The following SKAP2 variants were observed in gnomAD, a reference collection of about 807,000 sequenced individuals.
The protein encoded by SKAP2 is src kinase associated phosphoprotein 2.
A neutral mutation model predicts 54.9 loss-of-function variants in SKAP2; 28 were observed. The observed-to-expected ratio is 0.51, with a 90% confidence interval of 0.38 to 0.70. The LOEUF (loss-of-function observed/expected upper bound fraction) is 0.70, where lower values mean the gene tolerates loss of function less well. Ranked by LOEUF, SKAP2 falls within the 30% of genes least tolerant of loss-of-function variation. The pLI is 0.00. For missense variants in SKAP2, 356 were observed against 424.1 expected (o/e 0.84, Z 1.41); for synonymous variants, 137 against 134.3 (o/e 1.02, Z -0.14).
At chr7:26,684,136 A>C (rs1410371592) in intron 11 of SKAP2, among the ~76,000 whole-genome samples, 1 of 152,136 alleles carries the variant, frequency 6.6e-6, no homozygotes, top group East Asian at 1.9e-4. Flanking sequence ...AGACACAAGA[A>C]TTTATGTATA....
At chr7:26,829,471 A>G (rs972883059) in intron 4 of SKAP2, among the ~76,000 whole-genome samples, 2 of 152,152 alleles carry the variant, frequency 1.3e-5, no homozygotes, top group African/African-American at 4.8e-5. Flanking sequence ...TGAGCCCAGG[A>G]GGTAGAGGCT....
chr7:26,764,941 A>G (rs1783014304), intron 4 of SKAP2, among the ~76,000 whole-genome samples: 6 of 152,228 alleles, frequency 3.9e-5, no homozygotes, highest in Admixed American at 1.3e-4. Context: ...CAATAAACAT[A>G]CATGTGCATG....
chr7:26,764,240 C>G (rs1331881833), intron 4 of SKAP2, among the ~76,000 whole-genome samples: 2 of 151,980 alleles, frequency 1.3e-5, no homozygotes, highest in Non-Finnish European at 2.9e-5. Context: ...TTGTAACCAT[C>G]CAGCAACTAG....
chr7:26,708,591 T>C (rs1787223269), intron 9 of SKAP2, among the ~76,000 whole-genome samples: 4 of 152,208 alleles, frequency 2.6e-5, no homozygotes, highest in Non-Finnish European at 5.9e-5. Flanking sequence ...CTTAATCCTT[T>C]TACTTTCATC....
chr7:26,720,504 T>G (rs550473907), intron 9 of SKAP2, among the ~76,000 whole-genome samples: 1 of 152,220 alleles, frequency 6.6e-6, no homozygotes, highest in Non-Finnish European at 1.5e-5. Flanking sequence ...TTTTTTTTTA[T>G]AACTTCGGAT....
chr7:26,703,006 G>C (rs1207931717), intron 9 of SKAP2, among the ~76,000 whole-genome samples: 1 of 152,236 alleles, frequency 6.6e-6, no homozygotes, highest in East Asian at 1.9e-4. Context: ...CCCATGCACA[G>C]AGTTTCTGAT....
intron 1 of SKAP2, chr7:26,857,561 A>C (rs1388065608): frequency 1.0e-5 from 10 of 985,446 alleles, no homozygotes; most frequent in Non-Finnish European, 1.2e-5. Context: ...CTGATCTCGC[A>C]ACGCAAAGAC....
At chr7:26,656,458 G>A in the SKAP2 span, among the ~76,000 whole-genome samples, 1 of 152,190 alleles carries the variant, frequency 6.6e-6, no homozygotes, top group African/African-American at 2.4e-5. Context: ...TTCCAAACAA[G>A]TTGATAATAA....
intron 4 of SKAP2, among the ~76,000 whole-genome samples, chr7:26,841,012 C>T (rs1178214492): frequency 6.6e-6 from 1 of 152,050 alleles, no homozygotes; most frequent in East Asian, 1.9e-4. Context: ...CTGTCACCAT[C>T]TATGTTACAA....
intron 4 of SKAP2, among the ~76,000 whole-genome samples, chr7:26,799,159 A>G (rs1783853189): frequency 6.6e-6 from 1 of 151,868 alleles, no homozygotes; most frequent in Non-Finnish European, 1.5e-5. Context: ...ACAACACCAG[A>G]CCACAAAACA....
At chr7:26,760,707 G>A (rs1172015088) in intron 4 of SKAP2, among the ~76,000 whole-genome samples, 1 of 152,156 alleles carries the variant, frequency 6.6e-6, no homozygotes, top group East Asian at 1.9e-4. Flanking sequence ...TGAAACCACA[G>A]AAGCAAAACC....
intron 4 of SKAP2, among the ~76,000 whole-genome samples, chr7:26,772,581 G>A (rs928205072): frequency 1.3e-5 from 2 of 152,180 alleles, no homozygotes; most frequent in African/African-American, 2.4e-5. Flanking sequence ...TGGCTGCATA[G>A]TATTCTGATA....
Position 26,737,613 on chromosome 7 carries a change from T to C in SKAP2, c.469+1182A>G, listed in dbSNP as rs112994339. On this transcript the variant is annotated intron_variant, in intron 6 of 12. Coordinates refer to ENST00000345317, the MANE Select transcript of SKAP2 (RefSeq NM_003930.5). ...CCAAACAACACTGATAACAATTCCA[T>C]AGGAAAGCTTACATTCAGTGATACT... Among the ~76,000 whole-genome samples the C allele has an allele frequency of 1.9e-3, 286 of 152,310 alleles. 2 individuals are homozygous for C. The highest frequency in any genetic ancestry group is 6.5e-3 in the African/African-American group (269 of 41,576).
chr7:26,722,618 A>G (rs1449061806), intron 9 of SKAP2, among the ~76,000 whole-genome samples: 1 of 151,942 alleles, frequency 6.6e-6, no homozygotes, highest in East Asian at 1.9e-4. Flanking sequence ...CATGTTGGCC[A>G]GGCTCGCTTC....
chr7:26,660,900 A>G, the SKAP2 span, among the ~76,000 whole-genome samples: 2 of 152,100 alleles, frequency 1.3e-5, no homozygotes, highest in African/African-American at 4.8e-5. Context: ...CTACCATGAC[A>G]TCATCCGATG....
At chr7:26,807,252 T>C (rs1784048093) in intron 4 of SKAP2, among the ~76,000 whole-genome samples, 1 of 152,188 alleles carries the variant, frequency 6.6e-6, no homozygotes, top group Non-Finnish European at 1.5e-5. Flanking sequence ...GCCTCTGATA[T>C]GGTTTGGCTC....
intron 4 of SKAP2, among the ~76,000 whole-genome samples, chr7:26,815,504 C>T (rs1041051328): frequency 4.6e-5 from 7 of 152,074 alleles, no homozygotes; most frequent in Non-Finnish European, 8.8e-5. Flanking sequence ...CAAAAAACAT[C>T]CCATCAGCTG....
chr7:26,725,078 G>A (rs531550131), intron 9 of SKAP2, among the ~76,000 whole-genome samples: 1 of 151,952 alleles, frequency 6.6e-6, no homozygotes, highest in Non-Finnish European at 1.5e-5. Flanking sequence ...AATAAAAAAC[G>A]ATGTGTGAGT....
At chr7:26,752,426 A>G (rs951662128) in intron 4 of SKAP2, among the ~76,000 whole-genome samples, 4 of 152,210 alleles carry the variant, frequency 2.6e-5, no homozygotes, top group Non-Finnish European at 4.4e-5. Flanking sequence ...AGTGAAATTC[A>G]GTAAAAGCAA....
Sources: allele counts gnomAD v4.1 joint callset (sites outside exome capture counted in the v4.1 genomes callset), GRCh38; gene constraint gnomAD v4.1.1; transcripts MANE v1.5; gene names NCBI Gene and HGNC (gene_info 2026-07-23, HGNC 2026-07-21).